The following RNF38 variants were observed in gnomAD, a reference collection of about 807,000 sequenced individuals.
The protein encoded by RNF38 is ring finger protein 38.
Under a neutral mutation model 67.2 loss-of-function variants are expected in RNF38, and 15 were observed. The ratio of observed to expected loss-of-function variants is 0.22; its 90% CI spans 0.15 to 0.34. The LOEUF (loss-of-function observed/expected upper bound fraction) is 0.34. RNF38 is among the 10% of genes least tolerant of loss of function. RNF38 has a pLI of 1.00. For missense variants in RNF38, 524 were observed against 639.9 expected (o/e 0.82, Z 1.95); for synonymous variants, 220 against 218.8 (o/e 1.01, Z -0.05).
At chr9:36,371,934 C>CTTTTTTT (rs1292005987) in intron 3 of RNF38, among the ~76,000 whole-genome samples, 1 of 140,730 alleles carries the variant, frequency 7.1e-6, no homozygotes, top group African/African-American at 2.6e-5. Context: ...TTTTTCTTTT[C>CTTTTTTT]TTTTTTTTTT....
At chr9:36,342,210 G>T in intron 11 of RNF38, 115 bp downstream of exon 11, 1 of 731,824 alleles carries the variant, frequency 1.4e-6, no homozygotes, top group Non-Finnish European at 2.4e-6. Flanking sequence ...CATACTGAAA[G>T]CTGTGTTTCC....
intron 1 of RNF38, among the ~76,000 whole-genome samples, chr9:36,452,516 C>T (rs1024904813): frequency 6.6e-6 from 1 of 151,396 alleles, no homozygotes; most frequent in African/African-American, 2.4e-5. Context: ...CATGTTGTGG[C>T]ATGTTAGCAA....
chr9:36,369,649 C>A lies in RNF38; in HGVS notation c.570+70G>T, dbSNP rs939021478. On this transcript the variant is annotated intron_variant, in intron 4 of 11. Transcript: ENST00000259605. ...CTAAAAGAAATTTGCAACAAAAAGC[C>A]AAAAAAAAAAAATCTCAAACTGCCA... 209 of 1,105,548 alleles carry A rather than the reference C, an allele frequency of 1.9e-4. No individual in the cohort carries two copies. The Middle Eastern group carries it at 2.4e-3, about 13-fold the overall frequency. The allele number at this position is 1,105,548 out of a possible 1,614,324, so 68.5% of individuals were successfully genotyped here. A position where few individuals can be genotyped will look rare whatever the true frequency, so the allele number is the denominator to read the frequency against.
At chr9:36,402,000 C>CT (rs1408620356), upstream of RNF38, among the ~76,000 whole-genome samples, 2 of 152,124 alleles carry the variant, frequency 1.3e-5, no homozygotes, top group African/African-American at 4.8e-5. Context: ...TGGACATTCT[C>CT]TTTATGAACA....
intron 1 of RNF38, among the ~76,000 whole-genome samples, chr9:36,391,150 A>G (rs1427038115): frequency 6.6e-6 from 1 of 152,186 alleles, no homozygotes; most frequent in African/African-American, 2.4e-5. Flanking sequence ...ACACAAACCT[A>G]AAGACCTTCC....
intron 1 of RNF38, among the ~76,000 whole-genome samples, chr9:36,433,330 C>A (rs905788521): frequency 6.6e-6 from 1 of 151,828 alleles, no homozygotes; most frequent in Non-Finnish European, 1.5e-5. Context: ...ATACCCCCCC[C>A]TTACCCTAAT....
chr9:36,380,248 A>G (rs982294120), intron 2 of RNF38, among the ~76,000 whole-genome samples: 2 of 152,196 alleles, frequency 1.3e-5, no homozygotes, highest in African/African-American at 4.8e-5. Context: ...TTGCCCAGGT[A>G]GAGTGCAATG....
rs116081669 is a variant in RNF38, at chr9:36,344,867, C to T, written c.1350G>A (p.Arg450=). ...CTGACTGGTGGTTGTTAGGATTGAACCGATAAGAAGGAAGTTGTTCAATAT... is the reference window on the plus strand; with the variant it reads ...CTGACTGGTGGTTGTTAGGATTGAATCGATAAGAAGGAAGTTGTTCAATAT... The part of the protein sequence containing the change: ...KADIEQLPSY[R]FNPNNHQSEQ... The change falls in exon 10 of 12, where the codon CGG becomes CGA. Residue 450 remains arginine, a synonymous_variant. Coordinates refer to ENST00000259605, the MANE Select transcript of RNF38 (RefSeq NM_022781.5). 1,008 of 1,614,008 alleles carry T rather than the reference C, an allele frequency of 6.2e-4. 6 individuals are homozygous for T. The African/African-American group carries it at 9.1e-3, about 15-fold the overall frequency.
In RNF38 at chr9:36,387,124, G is replaced by T. The variant is rs116729120; in HGVS notation, c.162+3343C>A. Among the ~76,000 whole-genome samples the T allele has an allele frequency of 2.3e-3, 355 of 152,222 alleles. 2 individuals carry two copies. The highest frequency in any genetic ancestry group is 7.9e-3 in the African/African-American group (330 of 41,540). On this transcript the variant is annotated intron_variant, in intron 2 of 11. Coordinates refer to ENST00000259605, the MANE Select transcript of RNF38 (RefSeq NM_022781.5). Reference sequence around the variant, plus strand: ...GAGCCCCTACCTTGTCTATAAATGAGGCATGAATAATCCACCCCGTGTTTA... The same window carrying T: ...GAGCCCCTACCTTGTCTATAAATGATGCATGAATAATCCACCCCGTGTTTA...
intron 11 of RNF38, among the ~76,000 whole-genome samples, chr9:36,340,414 T>C (rs1832753656): frequency 6.6e-6 from 1 of 152,228 alleles, no homozygotes; most frequent in African/African-American, 2.4e-5. Flanking sequence ...GAGACAGGGT[T>C]AAACCCTGTT....
intron 5 of RNF38, 106 bp from the exon 6 acceptor site, chr9:36,356,579 A>T: frequency 1.1e-6 from 1 of 927,986 alleles, no homozygotes; most frequent in Non-Finnish European, 1.6e-6. Flanking sequence ...TCCCAAAATC[A>T]TGAAAATGTT....
chr9:36,465,306 T>C (rs1839834499), intron 1 of RNF38, among the ~76,000 whole-genome samples: 1 of 152,222 alleles, frequency 6.6e-6, no homozygotes, highest in Non-Finnish European at 1.5e-5. Flanking sequence ...TATATGTCCA[T>C]GTAAAAACTT....
chr9:36,409,315 GAAAGAAAGAA>G (rs531078700), intron 2 of RNF38, among the ~76,000 whole-genome samples: 13 of 137,488 alleles, frequency 9.5e-5, no homozygotes, highest in African/African-American at 1.6e-4. Flanking sequence ...GAAAAAGAAA[GAAAGAAAGAA>G]AAAGAAAGAA....
chr9:36,413,155 G>T (rs984149013), intron 2 of RNF38, among the ~76,000 whole-genome samples: 2 of 151,630 alleles, frequency 1.3e-5, no homozygotes, highest in Non-Finnish European at 2.9e-5. Context: ...TTTGAACCTG[G>T]GGGGGCAGAA....
intron 4 of RNF38, among the ~76,000 whole-genome samples, chr9:36,369,422 T>G (rs1835211925): frequency 6.6e-6 from 1 of 152,108 alleles, no homozygotes; most frequent in South Asian, 2.1e-4. Flanking sequence ...GGTTTCACTG[T>G]GTTAGGCTTG....
intron 2 of RNF38, among the ~76,000 whole-genome samples, chr9:36,416,051 G>A (rs1838458333): frequency 6.6e-6 from 1 of 151,788 alleles, no homozygotes; most frequent in South Asian, 2.1e-4. Flanking sequence ...TCAGGTGATG[G>A]GTGGCACCAT....
chr9:36,420,531 C>CAAAAAAAAAAAAAAAAAAAAAAAAA (rs1447823341), intron 2 of RNF38, among the ~76,000 whole-genome samples: 6 of 29,008 alleles, frequency 2.1e-4, no homozygotes, highest in Non-Finnish European at 6.6e-4. Context: ...GACTCTGTCT[C>CAAAAAAAAAAAAAAAAAAAAAAAAA]CAAAAAAAAA....
chr9:36,467,623 C>G (rs905685798), intron 1 of RNF38, among the ~76,000 whole-genome samples: 1 of 152,132 alleles, frequency 6.6e-6, no homozygotes, highest in African/African-American at 2.4e-5. Context: ...AATAATAACA[C>G]CATTAGCAGC....
intron 3 of RNF38, among the ~76,000 whole-genome samples, chr9:36,374,803 C>T (rs148424784): frequency 6.6e-6 from 1 of 152,280 alleles, no homozygotes; most frequent in Non-Finnish European, 1.5e-5. Context: ...GACATTAATC[C>T]TGCTGGGTAA....
Sources: allele counts gnomAD v4.1 joint callset (sites outside exome capture counted in the v4.1 genomes callset), GRCh38; gene constraint gnomAD v4.1.1; transcripts MANE v1.5; gene names NCBI Gene and HGNC (gene_info 2026-07-23, HGNC 2026-07-21).